RBMS3: variants seen among roughly 807,000 people sequenced by gnomAD.
RBMS3 encodes the protein RNA binding motif single stranded interacting protein 3.
A neutral mutation model predicts 66.8 loss-of-function variants in RBMS3; 27 were observed. The observed-to-expected ratio is 0.40, with a 90% CI of 0.30 to 0.56. The LOEUF (loss-of-function observed/expected upper bound fraction) is 0.56, where lower values mean the gene tolerates loss of function less well. Ranked by LOEUF, RBMS3 falls within the 20% of genes least tolerant of loss-of-function variation. RBMS3 has a pLI of 0.40. For synonymous variants in RBMS3, 188 were observed against 183.0 expected (o/e 1.03, Z -0.22); for missense variants, 513 against 549.5 (o/e 0.93, Z 0.66).
intron 4 of RBMS3, among the ~76,000 whole-genome samples, chr3:29,626,742 T>C (rs115371665): frequency 2.0e-4 from 30 of 152,204 alleles, no homozygotes; most frequent in African/African-American, 7.2e-4. Context: ...TTACAAAGTG[T>C]AATATAGTAA....
In RBMS3 at chr3:29,796,468, A is replaced by C. The variant is rs140291343; in HGVS notation, c.637+33479A>C. ...TCTAGAATGATGAATTCCTTCCAGA[A>C]GGGTTTAAATGTAATTTTCCAAGAT... On this transcript the variant is annotated intron_variant, in intron 6 of 14. Transcript: ENST00000383767. Among the ~76,000 whole-genome samples the C allele has an allele frequency of 1.1e-4, 16 of 152,290 alleles. No individual in the cohort carries two copies. The East Asian group carries it at 2.3e-3, about 22-fold the overall frequency.
intron 3 of RBMS3, among the ~76,000 whole-genome samples, chr3:29,583,781 A>G (rs2149088191): frequency 6.6e-6 from 1 of 152,248 alleles, no homozygotes; most frequent in Non-Finnish European, 1.5e-5. Flanking sequence ...AACATTCAAA[A>G]ATGCCAAGAA....
chr3:29,881,209 TCTC>T (rs1267085699), intron 7 of RBMS3, among the ~76,000 whole-genome samples: 1 of 152,182 alleles, frequency 6.6e-6, no homozygotes, highest in Middle Eastern at 3.4e-3. Context: ...CTGTGGAAAT[TCTC>T]CTCATCTTTC....
At chr3:29,465,899 G>T (rs1390924247) in intron 2 of RBMS3, among the ~76,000 whole-genome samples, 1 of 151,998 alleles carries the variant, frequency 6.6e-6, no homozygotes, top group Non-Finnish European at 1.5e-5. Flanking sequence ...ATGGTGGAAT[G>T]GACTAGGAGT....
chr3:29,768,676 A>AC (rs988803222), intron 6 of RBMS3, among the ~76,000 whole-genome samples: 1 of 151,818 alleles, frequency 6.6e-6, no homozygotes, highest in African/African-American at 2.4e-5. Context: ...GGGAGTTATC[A>AC]CCCCCTGGGA....
intron 4 of RBMS3, among the ~76,000 whole-genome samples, chr3:29,625,254 A>G (rs1023539439): frequency 1.3e-5 from 2 of 152,160 alleles, no homozygotes; most frequent in Non-Finnish European, 2.9e-5. Context: ...ATTTTTTAAA[A>G]TTCTCCGTAC....
At chr3:29,331,384 T>C (rs1160355457) in intron 1 of RBMS3, among the ~76,000 whole-genome samples, 6 of 152,132 alleles carry the variant, frequency 3.9e-5, no homozygotes, top group Non-Finnish European at 8.8e-5. Flanking sequence ...AACTCCAATA[T>C]GTAACTTACA....
In RBMS3 at chr3:29,388,082, CAG is replaced by C. The variant is rs376209801; in HGVS notation, c.76-46659_76-46658del. ...CCCAACCAAACTGTCTACACACACA[CAG>C]ACACACACACACACACACACACACA... On this transcript the variant is annotated intron_variant, in intron 1 of 14. Transcript: ENST00000383767. 2.6e-3 allele frequency among the ~76,000 whole-genome samples: 274 copies of C among 104,314 alleles called. 3 individuals carry two copies. Among genetic ancestry groups the C allele is most frequent in the African/African-American group, 0.012 (260 of 21,156 alleles). The allele number at this position is 104,314 out of a possible 152,430, so 68.4% of individuals were successfully genotyped here. A position where few individuals can be genotyped will look rare whatever the true frequency, so the allele number is the denominator to read the frequency against.
chr3:29,495,715 G>A lies in RBMS3; in HGVS notation c.307+7216G>A, dbSNP rs372216389. Among the ~76,000 whole-genome samples the A allele has an allele frequency of 5.4e-4, 82 of 152,110 alleles. No individual in the cohort carries two copies. In the East Asian group the frequency reaches 0.013, roughly 23 times the overall value. ...TTACAGGTGTGAGCCACTGCGCCCG[G>A]TCAGAAATACAGATTTCTGTGTTGA... On this transcript the variant is annotated intron_variant, in intron 3 of 14. Coordinates refer to ENST00000383767, the MANE Select transcript of RBMS3 (RefSeq NM_001003793.3).
intron 3 of RBMS3, among the ~76,000 whole-genome samples, chr3:29,528,447 G>A (rs2045221936): frequency 6.6e-6 from 1 of 152,050 alleles, no homozygotes; most frequent in African/African-American, 2.4e-5. Context: ...ATACCTTTAA[G>A]TGCTATATGT....
chr3:29,492,174 C>T (rs532040725), intron 3 of RBMS3, among the ~76,000 whole-genome samples: 69 of 152,146 alleles, frequency 4.5e-4, no homozygotes, highest in Admixed American at 2.2e-3. Context: ...TCAAGCACAT[C>T]ATGGGGGAGG....
intron 3 of RBMS3, among the ~76,000 whole-genome samples, chr3:29,555,762 A>G (rs1351024876): frequency 1.3e-5 from 2 of 152,130 alleles, no homozygotes; most frequent in Non-Finnish European, 2.9e-5. Context: ...GTTGCCCTCA[A>G]CTTTGTTCTC....
chr3:29,371,246 C>T (rs1017587199), intron 1 of RBMS3, among the ~76,000 whole-genome samples: 5 of 152,096 alleles, frequency 3.3e-5, no homozygotes, highest in Non-Finnish European at 4.4e-5. Context: ...ATTGGTAACA[C>T]AGGGATAGAG....
At chr3:29,762,793 C>A in intron 5 of RBMS3, 117 bp from the exon 6 acceptor site, 1 of 703,192 alleles carries the variant, frequency 1.4e-6, no homozygotes, top group Non-Finnish European at 2.5e-6. Flanking sequence ...AAAAAGTTGG[C>A]AATTAGGGTA....
chr3:29,367,297 A>G (rs1359327710), intron 1 of RBMS3, among the ~76,000 whole-genome samples: 1 of 152,188 alleles, frequency 6.6e-6, no homozygotes, highest in Non-Finnish European at 1.5e-5. Flanking sequence ...ATGTATATCT[A>G]TGCTAAAACA....
intron 6 of RBMS3, among the ~76,000 whole-genome samples, chr3:29,864,754 T>A (rs2059303849): frequency 6.7e-6 from 1 of 148,840 alleles, no homozygotes; most frequent in Non-Finnish European, 1.5e-5. Flanking sequence ...CTATGAAGTA[T>A]TTAACATTAT....
intron 4 of RBMS3, among the ~76,000 whole-genome samples, chr3:29,701,712 C>T (rs527758418): frequency 6.4e-4 from 97 of 152,242 alleles, no homozygotes; most frequent in Admixed American, 1.5e-3. Context: ...GAGAGTTAGG[C>T]GGGCCAGCAG....
At chr3:29,735,295 G>A (rs1421474328) in intron 4 of RBMS3, among the ~76,000 whole-genome samples, 10 of 152,124 alleles carry the variant, frequency 6.6e-5, no homozygotes, top group Admixed American at 6.5e-4. Flanking sequence ...TGAGAAAAAG[G>A]AAGTCATTTC....
intron 2 of RBMS3, among the ~76,000 whole-genome samples, chr3:29,488,035 T>G (rs987886423): frequency 6.6e-6 from 1 of 152,186 alleles, no homozygotes; most frequent in African/African-American, 2.4e-5. Context: ...AGAAACTGTG[T>G]CTTAGTGAAG....
Sources: gnomAD v4.1 joint callset for allele counts (sites outside exome capture counted in the v4.1 genomes callset) on GRCh38, gnomAD v4.1.1 for gene constraint, MANE v1.5 for transcripts, NCBI Gene and HGNC (gene_info 2026-07-23, HGNC 2026-07-21) for gene names.